GNG12: variants seen among roughly 807,000 people sequenced by gnomAD.
The protein encoded by GNG12 is G protein subunit gamma 12.
For missense variants in GNG12, 69 were observed against 83.8 expected, an observed-to-expected ratio of 0.82 and a Z score of 0.69; for synonymous variants, 28 against 29.7, an observed-to-expected ratio of 0.94 and a Z score of 0.19.
At chr1:67,817,577 C>G (rs1280100923) in intron 1 of GNG12, among the ~76,000 whole-genome samples, 1 of 84,886 alleles carries the variant, frequency 1.2e-5, no homozygotes, top group African/African-American at 3.1e-5. Context: ...GCCCGGCACA[C>G]CCCTCCTCTG....
At position 67,833,418 on chromosome 1, in the gene GNG12, T is replaced by TCTCCTCCTC; in HGVS notation, c.-160_-152dup. 1 of 983,956 alleles carries TCTCCTCCTC rather than the reference T, an allele frequency of 1.0e-6. No individual in the cohort carries two copies. Among genetic ancestry groups the TCTCCTCCTC allele is most frequent in the Non-Finnish European group, 1.2e-6 (1 of 829,434 alleles). 61.0% of individuals were successfully genotyped at this position (983,956 alleles called of 1,614,324 possible). A position where few individuals can be genotyped will look rare whatever the true frequency, so the allele number is the denominator to read the frequency against. On this transcript the variant is annotated 5_prime_UTR_variant, in exon 1 of 4. Transcript: ENST00000370982. ...AGGGCTCCTGGAGACGGCTCCGACC[T>TCTCCTCCTC]CTCCTCCTCCTCCTCCTCTTGCTCC... is the stretch of plus-strand genomic sequence containing the variant.
intron 2 of GNG12, among the ~76,000 whole-genome samples, chr1:67,751,206 C>T (rs1382126826): frequency 2.0e-5 from 3 of 148,240 alleles, no homozygotes; most frequent in African/African-American, 7.9e-5. Flanking sequence ...CACACACACA[C>T]ACACACGTGC....
chr1:67,805,105 C>T (rs1646887534), intron 1 of GNG12, among the ~76,000 whole-genome samples: 1 of 152,162 alleles, frequency 6.6e-6, no homozygotes, highest in Non-Finnish European at 1.5e-5. Flanking sequence ...CCCTGTCCCA[C>T]CTAAGGGAAG....
chr1:67,747,488 T>G (rs1044222902), intron 2 of GNG12, among the ~76,000 whole-genome samples: 2 of 152,200 alleles, frequency 1.3e-5, no homozygotes, highest in African/African-American at 4.8e-5. Context: ...TTTTAAAGCC[T>G]CCCTCATCAG....
rs1646524133 is a variant in GNG12, at chr1:67,749,108, A to C, written c.-27+28350T>G. ...CCTGAATAATGCAGGAGAATAAAGC[A>C]GAAGGTCTACAGACATTACTTATAG... On this transcript the variant is annotated intron_variant, in intron 2 of 3. Transcript: ENST00000370982. Among the ~76,000 whole-genome samples, 3 of 152,336 alleles carry C rather than the reference A, an allele frequency of 2.0e-5. No individual in the cohort carries two copies. In the South Asian group the frequency reaches 6.2e-4, roughly 32 times the overall value.
At chr1:67,740,193 G>A (rs1361576892) in intron 2 of GNG12, among the ~76,000 whole-genome samples, 2 of 152,206 alleles carry the variant, frequency 1.3e-5, no homozygotes, top group Admixed American at 6.5e-5. Context: ...TATACAAAGT[G>A]CATAAAGAAT....
At position 67,703,851 on chromosome 1, in the gene GNG12, G is replaced by A. The variant is rs1377293745; in HGVS notation, c.*1600C>T. On this transcript the variant is annotated 3_prime_UTR_variant, in exon 4 of 4. Transcript: ENST00000370982. Reference sequence around the variant, plus strand: ...AAGCCCAGACATTAGATTTTAAAAGGGGTTTGCTTTCCAGGACAGATTGTA... The same window carrying A: ...AAGCCCAGACATTAGATTTTAAAAGAGGTTTGCTTTCCAGGACAGATTGTA... 6.6e-6 allele frequency: 1 copy of A among 152,190 alleles called. No individual in the cohort carries two copies. The highest frequency in any genetic ancestry group is 1.5e-5 in the Non-Finnish European group (1 of 68,032). 9.4% of individuals were successfully genotyped at this position (152,190 alleles called of 1,614,324 possible).
rs959305661 is a variant in GNG12, at chr1:67,701,951, T to C, written c.*3500A>G. The C allele has an allele frequency of 6.6e-6, 1 of 152,522 alleles. No individual in the cohort carries two copies. Among genetic ancestry groups the C allele is most frequent in the Non-Finnish European group, 1.5e-5 (1 of 68,046 alleles). 9.4% of individuals were successfully genotyped at this position (152,522 alleles called of 1,614,324 possible). Reference sequence around the variant, plus strand: ...CACGTTGGCAGGACCAGCAGAGGGGTGGGGTCTTTGGACCAAGGCATCTGG... The same window carrying C: ...CACGTTGGCAGGACCAGCAGAGGGGCGGGGTCTTTGGACCAAGGCATCTGG... On this transcript the variant is annotated 3_prime_UTR_variant, in exon 4 of 4. Transcript: ENST00000370982.
At chr1:67,721,833 C>A (rs773424994) in intron 2 of GNG12, among the ~76,000 whole-genome samples, 10 of 152,148 alleles carry the variant, frequency 6.6e-5, no homozygotes, top group Non-Finnish European at 1.2e-4. Context: ...TAATTCCCTA[C>A]GTGACCAACT....
intron 2 of GNG12, among the ~76,000 whole-genome samples, chr1:67,727,929 C>A (rs1028522790): frequency 6.6e-6 from 1 of 152,194 alleles, no homozygotes; most frequent in East Asian, 1.9e-4. Flanking sequence ...CATTAAGAAT[C>A]CTGTTTCTTA....
chr1:67,720,260 A>G (rs928456911), intron 2 of GNG12, among the ~76,000 whole-genome samples: 4 of 152,206 alleles, frequency 2.6e-5, no homozygotes, highest in Non-Finnish European at 2.9e-5. Context: ...TGTGCCCCAA[A>G]TAAGTTTTCA....
intron 2 of GNG12, among the ~76,000 whole-genome samples, chr1:67,774,300 C>T (rs946943430): frequency 2.0e-5 from 3 of 152,210 alleles, no homozygotes; most frequent in Admixed American, 6.5e-5. Context: ...TTATCTCTGA[C>T]TTCACCCCAC....
At chr1:67,823,390 C>G (rs76853064) in intron 1 of GNG12, among the ~76,000 whole-genome samples, 2,092 of 152,168 alleles carry the variant, frequency 0.014, 14 homozygotes, top group Non-Finnish European at 0.018. Flanking sequence ...GGCATAAAAC[C>G]CTACTTTCCA....
chr1:67,822,649 TTCATGGGCCAC>T, intron 1 of GNG12, among the ~76,000 whole-genome samples: 1 of 152,342 alleles, frequency 6.6e-6, no homozygotes, highest in East Asian at 1.9e-4. Context: ...TTTGGGATTT[TTCATGGGCCAC>T]TCATTGCTAG....
intron 1 of GNG12, among the ~76,000 whole-genome samples, chr1:67,810,019 T>TGTAAA (rs1397531661): frequency 1.3e-5 from 2 of 152,168 alleles, no homozygotes; most frequent in Non-Finnish European, 2.9e-5. Flanking sequence ...GAAACCAAAA[T>TGTAAA]GTCCTTTAGT....
At chr1:67,775,576 C>T (rs1646700213) in intron 2 of GNG12, among the ~76,000 whole-genome samples, 1 of 152,212 alleles carries the variant, frequency 6.6e-6, no homozygotes, top group Admixed American at 6.5e-5. Context: ...AATGCCCATG[C>T]TTCTTCTTGG....
intron 2 of GNG12, among the ~76,000 whole-genome samples, chr1:67,742,875 T>TTTTTTTTTTTTTTTTTTTTTTTTTTTTGA (rs1557602489): frequency 6.6e-6 from 1 of 152,122 alleles, no homozygotes; most frequent in Non-Finnish European, 1.5e-5. Context: ...AGTGGTTTTA[T>TTTTTTTTTTTTTTTTTTTTTTTTTTTTGA]GGATGATATT....
chr1:67,810,627 G>A lies in GNG12; in HGVS notation c.-77+22717C>T, dbSNP rs143727478. Among the ~76,000 whole-genome samples, 820 of 152,232 alleles carry A rather than the reference G, an allele frequency of 5.4e-3. 3 individuals are homozygous for A. Among genetic ancestry groups the A allele is most frequent in the Admixed American group, 8.6e-3 (132 of 15,298 alleles). ...TGATTTGTGAGACATTTAGTCTGCC[G>A]CAATGTCTGCTTTACATCTGGATTT... On this transcript the variant is annotated intron_variant, in intron 1 of 3. Transcript: ENST00000370982.
At chr1:67,746,099 C>T (rs933987740) in intron 2 of GNG12, among the ~76,000 whole-genome samples, 5 of 152,158 alleles carry the variant, frequency 3.3e-5, no homozygotes, top group African/African-American at 1.2e-4. Context: ...TCATCTGACT[C>T]CTCTAAATTC....
Sources: gnomAD v4.1 joint callset for allele counts (sites outside exome capture counted in the v4.1 genomes callset) on GRCh38, gnomAD v4.1.1 for gene constraint, MANE v1.5 for transcripts, NCBI Gene and HGNC (gene_info 2026-07-23, HGNC 2026-07-21) for gene names.